The following FMNL2 variants were observed in gnomAD, a reference collection of about 807,000 sequenced individuals.
FMNL2 encodes the protein formin-like protein 2.
FMNL2 carries 51 observed loss-of-function variants against 130.2 expected under a neutral mutation model. The observed-to-expected ratio is 0.39, with a 90% CI of 0.31 to 0.49. FMNL2 has a LOEUF of 0.49. Ranked by LOEUF, FMNL2 falls within the 20% of genes least tolerant of loss-of-function variation. The probability of loss-of-function intolerance (pLI) is 0.85; values close to 1 mark genes in which losing one functional copy is unlikely to be tolerated. For missense variants in FMNL2, 977 were observed against 1,316.2 expected (o/e 0.74, Z 3.99); for synonymous variants, 465 against 467.1 (o/e 1.00, Z 0.06).
intron 1 of FMNL2, among the ~76,000 whole-genome samples, chr2:152,439,251 G>A (rs906548144): frequency 1.2e-4 from 18 of 152,088 alleles, no homozygotes; most frequent in African/African-American, 4.3e-4. Flanking sequence ...TAATCAAGGG[G>A]AGCTGTTAAT....
intron 9 of FMNL2, among the ~76,000 whole-genome samples, chr2:152,589,795 T>G (rs1171828903): frequency 6.6e-6 from 1 of 151,652 alleles, no homozygotes; most frequent in Non-Finnish European, 1.5e-5. Context: ...AAGGATCTTC[T>G]TGGTTTGCTC....
intron 22 of FMNL2, 81 bp downstream of exon 22, chr2:152,636,671 G>T: frequency 6.9e-7 from 1 of 1,445,914 alleles, no homozygotes; most frequent in African/African-American, 1.4e-5. Flanking sequence ...TATTTGGGGA[G>T]AAATGTTCCA....
chr2:152,343,485 A>G (rs1359448022), intron 1 of FMNL2, among the ~76,000 whole-genome samples: 1 of 152,066 alleles, frequency 6.6e-6, no homozygotes, highest in Non-Finnish European at 1.5e-5. Flanking sequence ...TAGTAGAGAC[A>G]AGGTTTCACC....
intron 1 of FMNL2, among the ~76,000 whole-genome samples, chr2:152,492,091 G>A (rs12693378): frequency 0.39 from 58,683 of 152,112 alleles, 11,878 homozygotes; most frequent in East Asian, 0.67. Context: ...ACACAGCATT[G>A]TTCCAGTGGA....
At chr2:152,449,736 A>G (rs1027039703) in intron 1 of FMNL2, among the ~76,000 whole-genome samples, 1 of 152,182 alleles carries the variant, frequency 6.6e-6, no homozygotes, top group African/African-American at 2.4e-5. Flanking sequence ...GACAGTCGTC[A>G]AAAAAATCCA....
chr2:152,644,899 C>CG (rs1210414427), intron 25 of FMNL2, among the ~76,000 whole-genome samples: 1 of 152,142 alleles, frequency 6.6e-6, no homozygotes, highest in Non-Finnish European at 1.5e-5. Flanking sequence ...TAATAAGAAA[C>CG]GAACTTCTCT....
chr2:152,378,306 T>C (rs1404925319), intron 1 of FMNL2, among the ~76,000 whole-genome samples: 8 of 152,166 alleles, frequency 5.3e-5, no homozygotes, highest in Admixed American at 5.2e-4. Flanking sequence ...CTAAGTAATG[T>C]TTAACACTTT....
Position 152,470,645 on chromosome 2 carries a change from T to C in FMNL2, c.118-51298T>C, listed in dbSNP as rs372843762. Among the ~76,000 whole-genome samples the C allele has an allele frequency of 3.3e-5, 5 of 152,344 alleles. No individual in the cohort carries two copies. The South Asian group carries it at 1.0e-3, about 32-fold the overall frequency. On this transcript the variant is annotated intron_variant, in intron 1 of 25. Transcript: ENST00000288670. Reference sequence around the variant, plus strand: ...AGTACATAGTCGCATCAATAAAGATTGACAATATAGCCTTCTCATATTGCC... The same window carrying C: ...AGTACATAGTCGCATCAATAAAGATCGACAATATAGCCTTCTCATATTGCC...
At chr2:152,338,005 G>T (rs1346818112) in intron 1 of FMNL2, among the ~76,000 whole-genome samples, 1 of 149,728 alleles carries the variant, frequency 6.7e-6, no homozygotes, top group African/African-American at 2.5e-5. Context: ...AGTGCGCAGT[G>T]TTGGTGATTT....
intron 1 of FMNL2, among the ~76,000 whole-genome samples, chr2:152,505,372 G>A (rs1692108430): frequency 6.6e-6 from 1 of 152,088 alleles, no homozygotes; most frequent in Non-Finnish European, 1.5e-5. Context: ...GAAAAAAATG[G>A]ATAGAATTAG....
intron 1 of FMNL2, among the ~76,000 whole-genome samples, chr2:152,493,024 A>T (rs946228400): frequency 2.0e-5 from 3 of 152,168 alleles, no homozygotes; most frequent in Admixed American, 1.3e-4. Flanking sequence ...GTAGACTCCT[A>T]CTTCCTAGCC....
In FMNL2 at chr2:152,610,877, G is replaced by A. The variant is rs1456550880; in HGVS notation, c.952-618G>A. ...AGTAAAAGTCACACTTTTTAAAGTG[G>A]CCACCCTTTTTTACATTACCACCAG... On this transcript the variant is annotated intron_variant, in intron 10 of 25. Transcript: ENST00000288670. Among the ~76,000 whole-genome samples the A allele has an allele frequency of 2.0e-5, 3 of 152,060 alleles. 1 individual carries two copies.
At chr2:152,336,118 AAAAC>A (rs781657724) in intron 1 of FMNL2, among the ~76,000 whole-genome samples, 11,451 of 150,784 alleles carry the variant, frequency 0.076, 503 homozygotes, top group African/African-American at 0.1. Flanking sequence ...AAAACAAAAC[AAAAC>A]ACCCTGAGCC....
chr2:152,410,818 C>A (rs1004992848), intron 1 of FMNL2, among the ~76,000 whole-genome samples: 1 of 152,186 alleles, frequency 6.6e-6, no homozygotes, highest in Non-Finnish European at 1.5e-5. Flanking sequence ...TGAGACCCCC[C>A]CTTGGGAGAG....
At chr2:152,408,943 T>A (rs917763907) in intron 1 of FMNL2, among the ~76,000 whole-genome samples, 4 of 152,230 alleles carry the variant, frequency 2.6e-5, no homozygotes, top group Non-Finnish European at 5.9e-5. Context: ...AAATGCTTGC[T>A]GTGCAGTGCA....
At chr2:152,471,823 GT>G (rs1313509697) in intron 1 of FMNL2, among the ~76,000 whole-genome samples, 2 of 152,104 alleles carry the variant, frequency 1.3e-5, no homozygotes, top group Admixed American at 1.3e-4. Flanking sequence ...ACCTTGGTGT[GT>G]TTTTTTAACC....
intron 9 of FMNL2, among the ~76,000 whole-genome samples, chr2:152,581,903 G>T (rs1696808484): frequency 6.6e-6 from 1 of 152,156 alleles, no homozygotes; most frequent in Non-Finnish European, 1.5e-5. Flanking sequence ...ACCCGAGCTG[G>T]ATTAAAATCC....
chr2:152,566,454 G>C (rs1695843507), intron 6 of FMNL2, among the ~76,000 whole-genome samples: 1 of 152,160 alleles, frequency 6.6e-6, no homozygotes, highest in Non-Finnish European at 1.5e-5. Flanking sequence ...AAGTAGTAGT[G>C]AAACAACTTG....
chr2:152,405,890 C>T (rs150731014), intron 1 of FMNL2, among the ~76,000 whole-genome samples: 333 of 152,304 alleles, frequency 2.2e-3, no homozygotes, highest in African/African-American at 7.7e-3. Flanking sequence ...TTTAAAACTA[C>T]ATATATTATA....
Sources: allele counts gnomAD v4.1 joint callset (sites outside exome capture counted in the v4.1 genomes callset), GRCh38; gene constraint gnomAD v4.1.1; transcripts MANE v1.5; gene names NCBI Gene and HGNC (gene_info 2026-07-23, HGNC 2026-07-21).